CDKAL1: variants seen among roughly 807,000 people sequenced by gnomAD.
CDKAL1 encodes the protein CDKAL1 threonylcarbamoyladenosine tRNA methylthiotransferase, also known as threonylcarbamoyladenosine tRNA methylthiotransferase.
Under a neutral mutation model 68.2 loss-of-function variants are expected in CDKAL1, and 32 were observed. The ratio of observed to expected loss-of-function variants is 0.47; its 90% CI spans 0.35 to 0.63. The LOEUF (loss-of-function observed/expected upper bound fraction) is 0.63. CDKAL1 is among the 30% of genes least tolerant of loss of function. The pLI is 0.00. For missense variants in CDKAL1, 606 were observed against 696.7 expected, an observed-to-expected ratio of 0.87 and a Z score of 1.47; for synonymous variants, 234 against 244.3, an observed-to-expected ratio of 0.96 and a Z score of 0.39.
chr6:20,817,217 C>T lies in CDKAL1; in HGVS notation c.639-28858C>T, dbSNP rs76890403. On this transcript the variant is annotated intron_variant, in intron 8 of 15. Transcript: ENST00000274695. ...TAGCACTAGTTCTTTTATTAATATA[C>T]GTACCTGCAGGCTCCAGTGTAAAAA... Among the ~76,000 whole-genome samples the T allele has an allele frequency of 6.5e-4, 99 of 152,166 alleles. 1 individual carries two copies. Among genetic ancestry groups the T allele is most frequent in the South Asian group, 6.4e-3 (31 of 4,818 alleles).
intron 4 of CDKAL1, among the ~76,000 whole-genome samples, chr6:20,647,326 G>C (rs931394894): frequency 6.6e-6 from 1 of 152,092 alleles, no homozygotes; most frequent in African/African-American, 2.4e-5. Flanking sequence ...CATTTCTAAC[G>C]ATCACTATGG....
At chr6:20,575,434 G>A (rs1257709020) in intron 4 of CDKAL1, among the ~76,000 whole-genome samples, 1 of 130,196 alleles carries the variant, frequency 7.7e-6, no homozygotes, top group East Asian at 2.2e-4. Context: ...TATAAACAGG[G>A]GCACCACAAA....
Position 20,907,374 on chromosome 6 carries a change from A to T in CDKAL1, c.743-48045A>T, listed in dbSNP as rs139048255. On this transcript the variant is annotated intron_variant, in intron 9 of 15. Coordinates refer to ENST00000274695, the MANE Select transcript of CDKAL1 (RefSeq NM_017774.3). ...GAGGTAGAGGCTGCAGTGAGCCGAG[A>T]TTGTGCCACTGCACTCCAGTTTGGA... Among the ~76,000 whole-genome samples, 244 of 152,290 alleles carry T rather than the reference A, an allele frequency of 1.6e-3. 2 individuals are homozygous for T. Among genetic ancestry groups the T allele is most frequent in the African/African-American group, 5.4e-3 (224 of 41,546 alleles).
intron 4 of CDKAL1, among the ~76,000 whole-genome samples, chr6:20,632,295 G>T (rs568816432): frequency 6.6e-5 from 10 of 152,166 alleles, no homozygotes; most frequent in Non-Finnish European, 1.5e-4. Flanking sequence ...TGGGAGCAGT[G>T]GTTCATTGCC....
intron 12 of CDKAL1, among the ~76,000 whole-genome samples, chr6:21,076,959 T>G (rs1772105172): frequency 6.6e-6 from 1 of 152,156 alleles, no homozygotes; most frequent in African/African-American, 2.4e-5. Flanking sequence ...GACTCTATAC[T>G]AGAGAGAAGT....
chr6:20,706,896 TTAAC>T (rs1771621916), intron 5 of CDKAL1, among the ~76,000 whole-genome samples: 1 of 151,880 alleles, frequency 6.6e-6, no homozygotes, highest in Non-Finnish European at 1.5e-5. Context: ...CACCTGGTGT[TTAAC>T]TAGGCCTTGG....
intron 5 of CDKAL1, among the ~76,000 whole-genome samples, chr6:20,726,490 A>T (rs191120081): frequency 6.4e-4 from 97 of 152,342 alleles, no homozygotes; most frequent in African/African-American, 2.2e-3. Flanking sequence ...AGCGCATTAT[A>T]AACTTCTTTA....
At chr6:20,885,293 A>C (rs572128767) in intron 9 of CDKAL1, among the ~76,000 whole-genome samples, 1 of 152,238 alleles carries the variant, frequency 6.6e-6, no homozygotes, top group Non-Finnish European at 1.5e-5. Context: ...ATGGTAATCA[A>C]ACCACCATGG....
At chr6:20,851,941 G>T (rs76834827) in intron 9 of CDKAL1, among the ~76,000 whole-genome samples, 1,618 of 151,798 alleles carry the variant, frequency 0.011, 29 homozygotes, top group African/African-American at 0.035. Context: ...CACTGATTTC[G>T]ACCCAAGATT....
intron 15 of CDKAL1, among the ~76,000 whole-genome samples, chr6:21,230,594 A>G (rs148000682): frequency 4.6e-5 from 7 of 152,082 alleles, no homozygotes; most frequent in Non-Finnish European, 1.0e-4. Flanking sequence ...GATTTTCTAT[A>G]AACACGGCCC....
At chr6:20,550,691 C>T (rs1018710543) in intron 4 of CDKAL1, among the ~76,000 whole-genome samples, 5 of 151,970 alleles carry the variant, frequency 3.3e-5, no homozygotes, top group South Asian at 2.1e-4. Flanking sequence ...CACATATGCA[C>T]GCATCTGTAG....
intron 12 of CDKAL1, among the ~76,000 whole-genome samples, chr6:21,100,282 T>C (rs187565504): frequency 4.6e-5 from 7 of 152,318 alleles, no homozygotes; most frequent in Admixed American, 6.5e-5. Flanking sequence ...TATTTGAATA[T>C]CATTACAGTT....
chr6:20,814,371 C>T (rs987595167), intron 8 of CDKAL1, among the ~76,000 whole-genome samples: 3 of 152,048 alleles, frequency 2.0e-5, no homozygotes, highest in African/African-American at 7.2e-5. Context: ...GACAGTTTTA[C>T]TTCATTCTTT....
intron 10 of CDKAL1, among the ~76,000 whole-genome samples, chr6:20,965,210 G>T (rs185610247): frequency 1.3e-5 from 2 of 152,086 alleles, no homozygotes; most frequent in African/African-American, 4.8e-5. Flanking sequence ...TACTCAGGAG[G>T]CTGAGGCCAG....
intron 5 of CDKAL1, among the ~76,000 whole-genome samples, chr6:20,652,518 A>G (rs1029449427): frequency 6.6e-6 from 1 of 152,104 alleles, no homozygotes; most frequent in Non-Finnish European, 1.5e-5. Flanking sequence ...TCTTCTAGAA[A>G]TTATTTCCTC....
chr6:20,841,493 A>G (rs1778172037), intron 8 of CDKAL1, among the ~76,000 whole-genome samples: 1 of 152,212 alleles, frequency 6.6e-6, no homozygotes, highest in Non-Finnish European at 1.5e-5. Flanking sequence ...TGTGGTTTGG[A>G]TATTAAGTTG....
chr6:20,872,348 A>T lies in CDKAL1; in HGVS notation c.742+26170A>T, dbSNP rs994196922. On this transcript the variant is annotated intron_variant, in intron 9 of 15. Transcript: ENST00000274695. ...TCTTATAGCTTTGATTATCAAAATT[A>T]TACTCAGAACTAAGTAAACAACATC... Among the ~76,000 whole-genome samples the T allele has an allele frequency of 3.3e-5, 5 of 152,196 alleles. No homozygotes were observed. In the East Asian group the frequency reaches 7.7e-4, roughly 23 times the overall value.
intron 7 of CDKAL1, among the ~76,000 whole-genome samples, chr6:20,773,234 A>G (rs975755051): frequency 6.6e-6 from 1 of 152,198 alleles, no homozygotes; most frequent in Admixed American, 6.5e-5. Context: ...TTCTTCTTTT[A>G]AGATGAAATA....
intron 5 of CDKAL1, among the ~76,000 whole-genome samples, chr6:20,676,591 C>T (rs995796264): frequency 3.3e-5 from 5 of 151,712 alleles, no homozygotes; most frequent in Non-Finnish European, 2.9e-5. Flanking sequence ...GGTATGAACC[C>T]GGGAGGTGGA....
Sources: allele counts gnomAD v4.1 joint callset (sites outside exome capture counted in the v4.1 genomes callset), GRCh38; gene constraint gnomAD v4.1.1; transcripts MANE v1.5; gene names NCBI Gene and HGNC (gene_info 2026-07-23, HGNC 2026-07-21).